DAB1: variants seen among roughly 807,000 people sequenced by gnomAD.
DAB1 encodes the protein DAB adaptor protein 1.
In DAB1, 15 loss-of-function variants were observed where a neutral mutation model predicts 64.6. The ratio of observed to expected loss-of-function variants is 0.23; its 90% CI spans 0.16 to 0.36. The LOEUF (loss-of-function observed/expected upper bound fraction) is 0.36, where lower values mean the gene tolerates loss of function less well. Among genes scored for constraint, DAB1 ranks in the 10% least tolerant of loss-of-function variants. The probability of loss-of-function intolerance (pLI) is 1.00; values close to 1 mark genes in which losing one functional copy is unlikely to be tolerated. For missense variants in DAB1, 596 were observed against 706.7 expected (o/e 0.84, Z 1.78); for synonymous variants, 235 against 251.9 (o/e 0.93, Z 0.64).
At chr1:58,473,313 C>T (rs1033832352) in intron 3 of DAB1, among the ~76,000 whole-genome samples, 7 of 151,980 alleles carry the variant, frequency 4.6e-5, no homozygotes, top group African/African-American at 9.6e-5. Context: ...GAGGCCGAGG[C>T]GGGTGGATCA....
chr1:57,464,069 A>G (rs1686877626), intron 7 of DAB1, among the ~76,000 whole-genome samples: 1 of 152,234 alleles, frequency 6.6e-6, no homozygotes. Flanking sequence ...CAATAAATGA[A>G]TAAATACTTT....
intron 14 of DAB1, among the ~76,000 whole-genome samples, chr1:57,001,156 G>A (rs1645849113): frequency 1.3e-5 from 2 of 152,180 alleles, no homozygotes; most frequent in Non-Finnish European, 2.9e-5. Flanking sequence ...AGACTTAGAG[G>A]GGAGCTAAAG....
chr1:58,291,416 A>C (rs1471073858), intron 4 of DAB1, among the ~76,000 whole-genome samples: 1 of 152,178 alleles, frequency 6.6e-6, no homozygotes, highest in Non-Finnish European at 1.5e-5. Context: ...CTCTCCAGGA[A>C]GGCTCCACTA....
intron 6 of DAB1, among the ~76,000 whole-genome samples, chr1:57,771,057 A>C (rs1371526985): frequency 6.6e-6 from 1 of 152,212 alleles, no homozygotes; most frequent in Non-Finnish European, 1.5e-5. Flanking sequence ...AAGTCGAAGC[A>C]CAAGACGTAA....
At chr1:57,524,596 A>T (rs776344557) in intron 7 of DAB1, among the ~76,000 whole-genome samples, 1 of 152,212 alleles carries the variant, frequency 6.6e-6, no homozygotes, top group Non-Finnish European at 1.5e-5. Context: ...CTCACAAAGT[A>T]CATTCTCAAG....
At position 58,119,789 on chromosome 1, in the gene DAB1, T is replaced by C. The variant is rs188893559; in HGVS notation, n.387+30722A>G. Among the ~76,000 whole-genome samples, 472 of 152,326 alleles carry C rather than the reference T, an allele frequency of 3.1e-3. 3 individuals are homozygous for C. Among genetic ancestry groups the C allele is most frequent in the African/African-American group, 0.011 (451 of 41,592 alleles). ...AGCCACGTTTCCAGTCATTGCTTTATGAATCTATTCAATAAGTTTATTTAA... is the reference window on the plus strand; with the variant it reads ...AGCCACGTTTCCAGTCATTGCTTTACGAATCTATTCAATAAGTTTATTTAA... On this transcript the variant is annotated intron_variant and non_coding_transcript_variant, in intron 5 of 20. Coordinates refer to the DAB1 transcript ENST00000485760.
chr1:57,873,468 T>C (rs1025240747), intron 1 of DAB1, among the ~76,000 whole-genome samples: 1 of 152,156 alleles, frequency 6.6e-6, no homozygotes, highest in Non-Finnish European at 1.5e-5. Flanking sequence ...AATGAACCAA[T>C]GAATTTACAT....
intron 6 of DAB1, among the ~76,000 whole-genome samples, chr1:57,679,727 G>A (rs946016533): frequency 2.0e-5 from 3 of 152,200 alleles, no homozygotes; most frequent in African/African-American, 7.2e-5. Flanking sequence ...CAAAGTGGGA[G>A]AGACATATAA....
At chr1:57,911,481 C>G (rs868401184) in intron 5 of DAB1, among the ~76,000 whole-genome samples, 1 of 152,174 alleles carries the variant, frequency 6.6e-6, no homozygotes, top group African/African-American at 2.4e-5. Context: ...CATCATTTGG[C>G]AGTTTCCCCC....
rs564456993 is a variant in DAB1, at chr1:57,108,286, A to T, written c.306+28257T>A. On this transcript the variant is annotated intron_variant, in intron 4 of 14. Transcript: ENST00000371236. Reference sequence around the variant, plus strand: ...TAAGGAGAAATGACTAATCCAAATGAATTCTTATAAGTCAATCTCACATCC... The same window carrying T: ...TAAGGAGAAATGACTAATCCAAATGTATTCTTATAAGTCAATCTCACATCC... Among the ~76,000 whole-genome samples, 4 of 152,280 alleles carry T rather than the reference A, an allele frequency of 2.6e-5. No individual in the cohort carries two copies. The South Asian group carries it at 8.3e-4, about 32-fold the overall frequency.
intron 2 of DAB1, among the ~76,000 whole-genome samples, chr1:57,202,190 A>C (rs1665157005): frequency 6.6e-6 from 1 of 152,194 alleles, no homozygotes; most frequent in African/African-American, 2.4e-5. Flanking sequence ...TGAATTTGAA[A>C]GGCAGATTTT....
chr1:57,678,220 A>G (rs1646591265), intron 6 of DAB1, among the ~76,000 whole-genome samples: 1 of 152,234 alleles, frequency 6.6e-6, no homozygotes, highest in South Asian at 2.1e-4. Context: ...ACCATGCTGC[A>G]TTTAACAGCA....
At chr1:57,992,742 G>A (rs771578669) in intron 5 of DAB1, among the ~76,000 whole-genome samples, 6 of 151,944 alleles carry the variant, frequency 3.9e-5, no homozygotes, top group Non-Finnish European at 8.8e-5. Flanking sequence ...TTGAATCCTT[G>A]TGGTGGTGTT....
intron 1 of DAB1, among the ~76,000 whole-genome samples, chr1:57,856,152 C>A (rs149887070): frequency 2.8e-4 from 43 of 152,006 alleles, no homozygotes; most frequent in African/African-American, 9.9e-4. Context: ...CCTGGAGAGC[C>A]TAGAAAAGAG....
chr1:58,113,664 T>C (rs1249893060), intron 5 of DAB1, among the ~76,000 whole-genome samples: 1 of 151,536 alleles, frequency 6.6e-6, no homozygotes, highest in African/African-American at 2.4e-5. Flanking sequence ...CTAAGCAGAC[T>C]GTGCTGCTGC....
At chr1:58,173,138 A>T (rs1656271304) in intron 4 of DAB1, among the ~76,000 whole-genome samples, 1 of 152,262 alleles carries the variant, frequency 6.6e-6, no homozygotes, top group Non-Finnish European at 1.5e-5. Context: ...TTGGTATGGA[A>T]CAACCCTCTC....
At chr1:58,031,423 AAAC>A (rs1646968359) in intron 5 of DAB1, among the ~76,000 whole-genome samples, 1 of 152,168 alleles carries the variant, frequency 6.6e-6, no homozygotes, top group Non-Finnish European at 1.5e-5. Context: ...GTAATAGGTA[AAAC>A]GGATGGGAAA....
chr1:58,032,484 C>T (rs548512536), intron 5 of DAB1, among the ~76,000 whole-genome samples: 28 of 152,152 alleles, frequency 1.8e-4, no homozygotes, highest in Non-Finnish European at 3.2e-4. Context: ...TTGAATTCCC[C>T]ATCAAAACCA....
At chr1:57,880,729 T>G (rs2101969664) in intron 1 of DAB1, 1 of 152,308 alleles carries the variant, frequency 6.6e-6, no homozygotes, top group Middle Eastern at 3.4e-3. Flanking sequence ...GCTGAACAAC[T>G]TATTATTTAT....
Sources: allele counts gnomAD v4.1 joint callset (sites outside exome capture counted in the v4.1 genomes callset), GRCh38; gene constraint gnomAD v4.1.1; transcripts MANE v1.5; gene names NCBI Gene and HGNC (gene_info 2026-07-23, HGNC 2026-07-21).